DYSF: variants seen among roughly 807,000 people sequenced by gnomAD.
DYSF encodes dystrophy-associated fer-1-like 1.
DYSF carries 212 observed loss-of-function variants against 274.9 expected under a neutral mutation model. That is an observed-to-expected ratio of 0.77 (90% CI 0.69 to 0.86). DYSF has a LOEUF of 0.86. DYSF is among the 40% of genes least tolerant of loss of function. The pLI, the probability that DYSF is intolerant of heterozygous loss-of-function variation, is 0.00. For missense variants in DYSF, 2,666 were observed against 2,783.2 expected (o/e 0.96, Z 0.95); for synonymous variants, 1,091 against 1,078.7 (o/e 1.01, Z -0.22).
At chr2:71,651,292 T>A (rs902118810) in intron 42 of DYSF, among the ~76,000 whole-genome samples, 1 of 152,122 alleles carries the variant, frequency 6.6e-6, no homozygotes, top group African/African-American at 2.4e-5. Flanking sequence ...AGATAACTCT[T>A]CAGCTAGTCT....
intron 42 of DYSF, among the ~76,000 whole-genome samples, chr2:71,650,617 G>A (rs1572960202): frequency 6.6e-6 from 1 of 152,212 alleles, no homozygotes; most frequent in African/African-American, 2.4e-5. Flanking sequence ...AATTGACCAT[G>A]TAACAGGCCA....
chr2:71,471,772 C>G (rs993083392), intron 1 of DYSF, among the ~76,000 whole-genome samples: 4 of 152,104 alleles, frequency 2.6e-5, no homozygotes, highest in African/African-American at 9.7e-5. Flanking sequence ...GAGTTCCAGG[C>G]CAGCCAACAG....
intron 41 of DYSF, among the ~76,000 whole-genome samples, chr2:71,635,714 A>T (rs1296023768): frequency 1.5e-5 from 2 of 136,212 alleles, no homozygotes; most frequent in African/African-American, 5.6e-5. Flanking sequence ...GTGCCACTGC[A>T]CTCCAGCCTG....
upstream of DYSF, among the ~76,000 whole-genome samples, chr2:71,466,144 C>A (rs2081515755): frequency 2.6e-5 from 4 of 152,116 alleles, no homozygotes; most frequent in South Asian, 6.2e-4. Flanking sequence ...AGACAGCCTG[C>A]GGACGGGAGA....
intron 29 of DYSF, among the ~76,000 whole-genome samples, chr2:71,572,031 C>T (rs1355162456): frequency 2.0e-5 from 3 of 148,170 alleles, no homozygotes; most frequent in Non-Finnish European, 3.0e-5. Context: ...ACACATTACA[C>T]CTAGCACACC....
chr2:71,470,786 T>C (rs1317930194), intron 1 of DYSF, among the ~76,000 whole-genome samples: 2 of 122,996 alleles, frequency 1.6e-5, no homozygotes, highest in Admixed American at 8.2e-5. Context: ...CCTTCCTTCA[T>C]TCCTTCCTTC....
intron 3 of DYSF, among the ~76,000 whole-genome samples, chr2:71,499,634 A>G (rs1243090673): frequency 2.0e-5 from 3 of 152,178 alleles, no homozygotes; most frequent in Non-Finnish European, 2.9e-5. Context: ...TTCTTTTTCT[A>G]CGGAGGAAAA....
chr2:71,650,560 AC>A (rs2094638814), intron 42 of DYSF, among the ~76,000 whole-genome samples: 1 of 152,322 alleles, frequency 6.6e-6, no homozygotes, highest in African/African-American at 2.4e-5. Context: ...ACCTGATTTA[AC>A]CCAGTAGCCT....
chr2:71,678,931 C>T, intron 52 of DYSF, 126 bp from the exon 53 acceptor site: 2 of 816,982 alleles, frequency 2.4e-6, no homozygotes, highest in Non-Finnish European at 4.2e-6. Context: ...TTACCTGTGG[C>T]TCGGCCATGG....
intron 34 of DYSF, 65 bp downstream of exon 34, chr2:71,600,907 G>A (rs2152859136): frequency 1.3e-6 from 2 of 1,597,068 alleles, no homozygotes; most frequent in South Asian, 1.1e-5. Context: ...CCAACCCTCT[G>A]TGGGAGCCTG....
chr2:71,618,579 AGAGTTGTGTGTGTGTG>A (rs2093999581), intron 40 of DYSF, among the ~76,000 whole-genome samples: 1 of 111,412 alleles, frequency 9.0e-6, no homozygotes, highest in African/African-American at 3.6e-5. Context: ...TGTGTGGGGT[AGAGTTGTGTGTGTGTG>A]GTAGAGGTGG....
intron 30 of DYSF, 33 bp from the exon 31 acceptor site, chr2:71,589,560 C>T (rs1174201560): frequency 1.3e-6 from 2 of 1,588,086 alleles, no homozygotes; most frequent in Non-Finnish European, 1.7e-6. Flanking sequence ...GGCCTGGGGG[C>T]AGAATCTGCC....
intron 41 of DYSF, among the ~76,000 whole-genome samples, chr2:71,634,921 C>T (rs1039155062): frequency 1.3e-5 from 2 of 152,200 alleles, no homozygotes; most frequent in African/African-American, 4.8e-5. Context: ...TCTCTCTCCA[C>T]TAACTTTCAA....
At chr2:71,515,878 C>A in intron 8 of DYSF, 127 bp downstream of exon 8, 1 of 1,397,682 alleles carries the variant, frequency 7.2e-7, no homozygotes, top group Non-Finnish European at 9.8e-7. Context: ...GTGAGATGTG[C>A]TGGCTCCCAA....
intron 24 of DYSF, among the ~76,000 whole-genome samples, chr2:71,564,512 G>A (rs778363649): frequency 5.9e-5 from 9 of 152,304 alleles, no homozygotes; most frequent in Non-Finnish European, 1.0e-4. Flanking sequence ...CTGGGGCTGT[G>A]TTTGTCCTTC....
chr2:71,682,457 T>G lies in DYSF; in HGVS notation c.6174-73T>G, dbSNP rs2095308086. The stretch of plus-strand genomic sequence containing the variant: ...TGGAGGGCCAGGCCATTGGACCTGC[T>G]GTTGAGAGAAGAGTTTGGAGAAAGC... On this transcript the variant is annotated intron_variant, in intron 54 of 55. Transcript: ENST00000410020. 4 of 1,601,020 alleles carry G rather than the reference T, an allele frequency of 2.5e-6. 1 individual carries two copies. In the South Asian group the frequency reaches 4.4e-5, roughly 18 times the overall value.
At chr2:71,626,517 T>G (rs911774565) in intron 41 of DYSF, among the ~76,000 whole-genome samples, 1 of 151,614 alleles carries the variant, frequency 6.6e-6, no homozygotes, top group Non-Finnish European at 1.5e-5. Flanking sequence ...AGAGCTTAAT[T>G]ACAGTAATAA....
chr2:71,477,254 C>T (rs114752751), intron 1 of DYSF, among the ~76,000 whole-genome samples: 6,259 of 151,984 alleles, frequency 0.041, 324 homozygotes, highest in African/African-American at 0.12. Context: ...GAGGGTGCAA[C>T]ATCGCATGTA....
At chr2:71,502,805 C>T (rs1314239724) in intron 3 of DYSF, among the ~76,000 whole-genome samples, 2 of 152,160 alleles carry the variant, frequency 1.3e-5, no homozygotes, top group East Asian at 3.9e-4. Context: ...TACAGACGGC[C>T]TGTGTAGACA....
Sources: allele counts gnomAD v4.1 joint callset (sites outside exome capture counted in the v4.1 genomes callset), GRCh38; gene constraint gnomAD v4.1.1; transcripts MANE v1.5; gene names NCBI Gene and HGNC (gene_info 2026-07-23, HGNC 2026-07-21).